The following CLEC4C variants were observed in gnomAD, a reference collection of about 807,000 sequenced individuals.
The protein encoded by CLEC4C is C-type lectin domain family 4 member C, also known as C-type (calcium dependent, carbohydrate-recognition domain) lectin, superfamily member 11.
CLEC4C carries 17 observed loss-of-function variants against 27.7 expected under a neutral mutation model. The ratio of observed to expected loss-of-function variants is 0.61; its 90% CI spans 0.42 to 0.92. The LOEUF is 0.92. Among genes scored for constraint, CLEC4C ranks in the 40% least tolerant of loss-of-function variants. CLEC4C has a pLI of 0.00. For synonymous variants in CLEC4C, 80 were observed against 80.8 expected (o/e 0.99, Z 0.06); for missense variants, 244 against 257.3 (o/e 0.95, Z 0.35).
chr12:7,746,556 AGC>A, intron 1 of CLEC4C, 133 bp from the exon 2 acceptor site: 1 of 608,536 alleles, frequency 1.6e-6, no homozygotes, highest in Non-Finnish European at 2.9e-6. Flanking sequence ...AAAATGTGAA[AGC>A]AAAAAGAGAT....
upstream of CLEC4C, among the ~76,000 whole-genome samples, chr12:7,747,843 T>C (rs1024282155): frequency 2.1e-5 from 3 of 142,966 alleles, no homozygotes; most frequent in Admixed American, 2.3e-4. Context: ...GGTTTCATCA[T>C]ACTGGCCAGG....
chr12:7,734,644 G>A (rs925509042), intron 4 of CLEC4C, among the ~76,000 whole-genome samples: 1 of 151,732 alleles, frequency 6.6e-6, no homozygotes, highest in Middle Eastern at 3.4e-3. Context: ...TGCCCCCTGG[G>A]TTCAAGTGAT....
chr12:7,746,285 T>C (rs745480713), intron 2 of CLEC4C, 46 bp downstream of exon 2: 1 of 1,057,102 alleles, frequency 9.5e-7, no homozygotes, highest in Non-Finnish European at 1.4e-6. Context: ...TAAAATGTGA[T>C]TGGGAAAAGG....
intron 4 of CLEC4C, 105 bp downstream of exon 4, chr12:7,737,324 G>GT (rs35561801): frequency 0.055 from 39,501 of 723,028 alleles, 20 homozygotes; most frequent in Non-Finnish European, 0.059. Context: ...TTACCCAGAA[G>GT]TTTTTTTTTT....
chr12:7,737,009 T>G (rs549288219), intron 4 of CLEC4C, among the ~76,000 whole-genome samples: 10 of 152,244 alleles, frequency 6.6e-5, no homozygotes, highest in African/African-American at 2.4e-4. Flanking sequence ...GGCAGGTGGA[T>G]CATTTGAGGT....
intron 3 of CLEC4C, among the ~76,000 whole-genome samples, chr12:7,738,040 T>C (rs1307782967): frequency 1.3e-5 from 2 of 152,186 alleles, no homozygotes; most frequent in Admixed American, 6.6e-5. Context: ...TCATCATTCA[T>C]TGGTGGTCAT....
At chr12:7,732,075 G>T (rs112779161) in intron 4 of CLEC4C, among the ~76,000 whole-genome samples, 16,597 of 152,214 alleles carry the variant, frequency 0.11, 1,219 homozygotes, top group Middle Eastern at 0.23. Flanking sequence ...TGTTACCCAG[G>T]CTGGAGTGCA....
chr12:7,729,796 G>A (rs1224162210), intron 5 of CLEC4C, 56 bp from the exon 6 acceptor site: 1 of 1,521,024 alleles, frequency 6.6e-7, no homozygotes, highest in African/African-American at 1.4e-5. Flanking sequence ...GAAAAGGTTA[G>A]AGACTGGGAG....
At chr12:7,742,511 GAA>G (rs58893714) in intron 2 of CLEC4C, among the ~76,000 whole-genome samples, 1,676 of 118,938 alleles carry the variant, frequency 0.014, 23 homozygotes, top group African/African-American at 0.039. Context: ...ACTTTGTCTC[GAA>G]AAAAAAAAAA....
At chr12:7,743,585 G>T (rs1412406536) in intron 2 of CLEC4C, among the ~76,000 whole-genome samples, 1 of 151,650 alleles carries the variant, frequency 6.6e-6, no homozygotes, top group Admixed American at 6.6e-5. Context: ...TAGAGACAGG[G>T]TTTCACCATG....
intron 4 of CLEC4C, among the ~76,000 whole-genome samples, chr12:7,732,967 TAAAG>T (rs1864635694): frequency 6.6e-6 from 1 of 151,846 alleles, no homozygotes; most frequent in African/African-American, 2.4e-5. Flanking sequence ...AAAAATAAAA[TAAAG>T]ATATTTATAA....
At chr12:7,737,343 C>A in intron 4 of CLEC4C, 86 bp downstream of exon 4, 84 of 656,370 alleles carry the variant, frequency 1.3e-4, no homozygotes, top group Non-Finnish European at 1.3e-4. Flanking sequence ...TTTTTCCTGT[C>A]TTTGAACTTT....
At chr12:7,731,046 CAAGCAGACAGAAA>C (rs1488102821) in intron 4 of CLEC4C, 134 bp from the exon 5 acceptor site, 1 of 519,934 alleles carries the variant, frequency 1.9e-6, no homozygotes, top group East Asian at 3.4e-5. Context: ...CTTCTAACTA[CAAGCAGACAGAAA>C]GAGCAGACAG....
chr12:7,741,215 C>T (rs1864846831), intron 3 of CLEC4C, among the ~76,000 whole-genome samples: 1 of 152,162 alleles, frequency 6.6e-6, no homozygotes, highest in Non-Finnish European at 1.5e-5. Flanking sequence ...ATCCACCCAC[C>T]TCGGCCTCCC....
chr12:7,738,100 A>G (rs1029937695), intron 3 of CLEC4C, among the ~76,000 whole-genome samples: 1 of 152,160 alleles, frequency 6.6e-6, no homozygotes, highest in South Asian at 2.1e-4. Flanking sequence ...GCAATGTTAT[A>G]TTTGTCACTA....
At chr12:7,737,962 T>C (rs1164038299) in intron 3 of CLEC4C, among the ~76,000 whole-genome samples, 1 of 152,160 alleles carries the variant, frequency 6.6e-6, no homozygotes, top group Non-Finnish European at 1.5e-5. Context: ...GCCCATGCCT[T>C]AGTTTTCCAG....
At chr12:7,746,006 G>C (rs919635824) in intron 2 of CLEC4C, among the ~76,000 whole-genome samples, 1 of 151,672 alleles carries the variant, frequency 6.6e-6, no homozygotes, top group Non-Finnish European at 1.5e-5. Flanking sequence ...ACGAGGTCAG[G>C]AGATCGAAAC....
chr12:7,747,122 C>T (rs1417033367), intron 1 of CLEC4C, among the ~76,000 whole-genome samples, 196 bp downstream of exon 1: 4 of 152,176 alleles, frequency 2.6e-5, no homozygotes, highest in South Asian at 2.1e-4. Context: ...CGCGCCCGCC[C>T]GGCCTTTCTT....
intron 4 of CLEC4C, among the ~76,000 whole-genome samples, chr12:7,734,827 C>T (rs1372978954): frequency 6.6e-6 from 1 of 152,152 alleles, no homozygotes; most frequent in African/African-American, 2.4e-5. Context: ...GGATTACAAG[C>T]ATGAGCCACC....
Sources: gnomAD v4.1 joint callset for allele counts (sites outside exome capture counted in the v4.1 genomes callset) on GRCh38, gnomAD v4.1.1 for gene constraint, MANE v1.5 for transcripts, NCBI Gene and HGNC (gene_info 2026-07-23, HGNC 2026-07-21) for gene names.